The following PRKG1 variants were observed in gnomAD, a reference collection of about 807,000 sequenced individuals.
PRKG1 encodes the protein protein kinase cGMP-dependent 1.
In PRKG1, 35 loss-of-function variants were observed where a neutral mutation model predicts 88.1. The observed-to-expected ratio is 0.40, with a 90% CI of 0.30 to 0.53. The LOEUF (loss-of-function observed/expected upper bound fraction) is 0.53, where lower values mean the gene tolerates loss of function less well. Among genes scored for constraint, PRKG1 ranks in the 20% least tolerant of loss-of-function variants. The pLI is 0.59. For missense variants in PRKG1, 540 were observed against 839.8 expected, an observed-to-expected ratio of 0.64 and a Z score of 4.41; for synonymous variants, 303 against 292.5, an observed-to-expected ratio of 1.04 and a Z score of -0.37.
At chr10:52,122,893 G>GT (rs1847852199) in intron 7 of PRKG1, among the ~76,000 whole-genome samples, 1 of 152,300 alleles carries the variant, frequency 6.6e-6, no homozygotes, top group Non-Finnish European at 1.5e-5. Context: ...AGATGTACAG[G>GT]TTACTGTCGA....
chr10:51,978,183 A>G (rs1368396967), intron 5 of PRKG1, among the ~76,000 whole-genome samples: 1 of 124,322 alleles, frequency 8.0e-6, no homozygotes, highest in African/African-American at 3.0e-5. Context: ...TTATTCCAGC[A>G]CCATTTATTC....
chr10:51,217,110 C>T lies in PRKG1; in HGVS notation c.478+63780C>T, dbSNP rs148062050. Among the ~76,000 whole-genome samples the T allele has an allele frequency of 2.4e-3, 362 of 152,180 alleles. 2 individuals carry two copies. The highest frequency in any genetic ancestry group is 8.3e-3 in the African/African-American group (345 of 41,528). On this transcript the variant is annotated intron_variant, in intron 2 of 17. Coordinates refer to ENST00000373980, the MANE Select transcript of PRKG1 (RefSeq NM_006258.4). ...CCCACTGAGGCCATTTTAGGAATAG[C>T]AATAATTTGGCTGTGTATAATTGTG... is the stretch of plus-strand genomic sequence containing the variant.
At chr10:51,327,497 A>T (rs1245215826) in intron 2 of PRKG1, among the ~76,000 whole-genome samples, 1 of 152,222 alleles carries the variant, frequency 6.6e-6, no homozygotes, top group African/African-American at 2.4e-5. Flanking sequence ...TTTTTAAAAA[A>T]TTAAAGAATT....
chr10:51,154,408 C>T (rs1405855363), intron 2 of PRKG1, among the ~76,000 whole-genome samples: 1 of 151,964 alleles, frequency 6.6e-6, no homozygotes, highest in East Asian at 1.9e-4. Context: ...CTGCCCAGAA[C>T]AAAGATTTAT....
intron 5 of PRKG1, among the ~76,000 whole-genome samples, chr10:51,925,263 A>G (rs1842550094): frequency 6.6e-6 from 1 of 151,700 alleles, no homozygotes; most frequent in East Asian, 1.9e-4. Flanking sequence ...CTGTAGTGTC[A>G]GGGGCTAAAA....
chr10:51,092,333 G>A (rs1772665537), intron 1 of PRKG1, among the ~76,000 whole-genome samples: 1 of 152,290 alleles, frequency 6.6e-6, no homozygotes, highest in South Asian at 2.1e-4. Flanking sequence ...AAAGTGGAGG[G>A]TTTCAATTAA....
At chr10:51,965,119 TGCA>T (rs373868157) in intron 5 of PRKG1, among the ~76,000 whole-genome samples, 170 of 152,320 alleles carry the variant, frequency 1.1e-3, no homozygotes, top group African/African-American at 3.8e-3. Context: ...GGGGTACGTA[TGCA>T]GGTTTGTTCC....
At chr10:51,616,228 G>A (rs1460479264) in intron 3 of PRKG1, among the ~76,000 whole-genome samples, 1 of 152,212 alleles carries the variant, frequency 6.6e-6, no homozygotes, top group African/African-American at 2.4e-5. Flanking sequence ...ACATCCTTGA[G>A]CACCAGGGTG....
At chr10:52,173,528 T>C (rs565352556) in intron 9 of PRKG1, among the ~76,000 whole-genome samples, 13 of 152,308 alleles carry the variant, frequency 8.5e-5, no homozygotes, top group African/African-American at 3.1e-4. Context: ...ATGAACATAA[T>C]ATACTATATG....
intron 3 of PRKG1, among the ~76,000 whole-genome samples, chr10:51,486,136 G>C (rs1004724181): frequency 6.6e-6 from 1 of 151,990 alleles, no homozygotes; most frequent in African/African-American, 2.4e-5. Flanking sequence ...ACACATACCA[G>C]AATATAGTAT....
intron 1 of PRKG1, among the ~76,000 whole-genome samples, chr10:51,111,969 C>T (rs1844990346): frequency 6.6e-6 from 1 of 152,124 alleles, no homozygotes; most frequent in South Asian, 2.1e-4. Context: ...TATGCACCAC[C>T]TACAGAGCCT....
chr10:51,713,061 TG>T (rs1841800710), intron 3 of PRKG1, among the ~76,000 whole-genome samples: 2 of 152,178 alleles, frequency 1.3e-5, no homozygotes, highest in Admixed American at 6.5e-5. Context: ...AAGCCAGAGC[TG>T]GAATATAACT....
chr10:51,163,619 G>T (rs1176461168), intron 2 of PRKG1, among the ~76,000 whole-genome samples: 1 of 152,232 alleles, frequency 6.6e-6, no homozygotes, highest in Non-Finnish European at 1.5e-5. Flanking sequence ...GGCGCAAGGG[G>T]TCGGGGAGTT....
At chr10:51,800,253 G>A (rs1439438159) in intron 3 of PRKG1, among the ~76,000 whole-genome samples, 3 of 151,950 alleles carry the variant, frequency 2.0e-5, no homozygotes, top group Non-Finnish European at 4.4e-5. Context: ...AGATGTTTTG[G>A]AGCTCCATAG....
chr10:52,098,683 T>C (rs562923952), intron 7 of PRKG1, among the ~76,000 whole-genome samples: 2 of 152,282 alleles, frequency 1.3e-5, no homozygotes, highest in East Asian at 3.9e-4. Flanking sequence ...GTGTCAAAAG[T>C]AATGTGAAAA....
At chr10:51,274,067 G>A (rs1840052165) in intron 2 of PRKG1, among the ~76,000 whole-genome samples, 1 of 152,138 alleles carries the variant, frequency 6.6e-6, no homozygotes, top group African/African-American at 2.4e-5. Context: ...TACCATTCAT[G>A]TAGAGCCCAA....
intron 3 of PRKG1, among the ~76,000 whole-genome samples, chr10:51,729,231 C>G (rs1842211986): frequency 6.6e-6 from 1 of 152,198 alleles, no homozygotes; most frequent in Non-Finnish European, 1.5e-5. Flanking sequence ...CTGTATTTCA[C>G]ATACTCATTC....
chr10:51,010,667 G>A (rs538559412), intron 1 of PRKG1, among the ~76,000 whole-genome samples: 2 of 152,302 alleles, frequency 1.3e-5, no homozygotes, highest in South Asian at 4.1e-4. Flanking sequence ...AAGATGTGAA[G>A]TGCTTGTTCC....
At chr10:51,297,752 A>G (rs1212471619) in intron 2 of PRKG1, among the ~76,000 whole-genome samples, 1 of 152,118 alleles carries the variant, frequency 6.6e-6, no homozygotes, top group African/African-American at 2.4e-5. Flanking sequence ...CATCTTTGCC[A>G]TATGTCTCTT....
Sources: gnomAD v4.1 joint callset for allele counts (sites outside exome capture counted in the v4.1 genomes callset) on GRCh38, gnomAD v4.1.1 for gene constraint, MANE v1.5 for transcripts, NCBI Gene and HGNC (gene_info 2026-07-23, HGNC 2026-07-21) for gene names.